FHOD3: variants seen among roughly 807,000 people sequenced by gnomAD.
The protein encoded by FHOD3 is FH1/FH2 domain-containing protein 3.
FHOD3 carries 90 observed loss-of-function variants against 173.0 expected under a neutral mutation model. The observed-to-expected ratio is 0.52, with a 90% CI of 0.44 to 0.62. The LOEUF (loss-of-function observed/expected upper bound fraction) is 0.62. Ranked by LOEUF, FHOD3 falls within the 20% of genes least tolerant of loss-of-function variation. The pLI, the probability that FHOD3 is intolerant of heterozygous loss-of-function variation, is 0.00. For synonymous variants in FHOD3, 828 were observed against 823.0 expected (o/e 1.01, Z -0.10); for missense variants, 1,945 against 2,034.7 (o/e 0.96, Z 0.85).
chr18:36,328,192 T>A (rs904209745), intron 1 of FHOD3, among the ~76,000 whole-genome samples: 1 of 152,028 alleles, frequency 6.6e-6, no homozygotes, highest in Admixed American at 6.6e-5. Flanking sequence ...GGGAGACAAG[T>A]GTTTGGCAGG....
At chr18:36,346,043 C>T (rs1257792272) in intron 1 of FHOD3, among the ~76,000 whole-genome samples, 1 of 152,190 alleles carries the variant, frequency 6.6e-6, no homozygotes, top group Non-Finnish European at 1.5e-5. Flanking sequence ...TTATTCACCA[C>T]CATTTTTAGA....
chr18:36,393,161 G>A (rs751137949), intron 3 of FHOD3, among the ~76,000 whole-genome samples: 11 of 152,228 alleles, frequency 7.2e-5, no homozygotes, highest in Admixed American at 3.9e-4. Flanking sequence ...CTTCTGGGAC[G>A]GCTGCAGGGC....
chr18:36,693,160 A>G (rs1166539297), intron 16 of FHOD3, 49 bp from the exon 17 acceptor site: 2 of 1,551,920 alleles, frequency 1.3e-6, no homozygotes, highest in Admixed American at 3.7e-5. Context: ...AGCATCAGCC[A>G]CAGGCTCCTC....
At chr18:36,602,884 T>C in intron 8 of FHOD3, 116 bp downstream of exon 8, 2 of 802,516 alleles carry the variant, frequency 2.5e-6, no homozygotes, top group South Asian at 3.1e-5. Flanking sequence ...GCAGATATAA[T>C]CTGGTTGTGA....
At chr18:36,441,987 A>G (rs2051180990) in intron 3 of FHOD3, among the ~76,000 whole-genome samples, 2 of 152,258 alleles carry the variant, frequency 1.3e-5, no homozygotes, top group Non-Finnish European at 2.9e-5. Flanking sequence ...AAGCTTTGGA[A>G]TAGAATAATA....
chr18:36,632,610 G>A (rs896390069), intron 10 of FHOD3, among the ~76,000 whole-genome samples: 1 of 152,002 alleles, frequency 6.6e-6, no homozygotes, highest in Non-Finnish European at 1.5e-5. Context: ...CGTGAGTCCC[G>A]TCCCGTGTGG....
At position 36,652,538 on chromosome 18, in the gene FHOD3, C is replaced by T. The variant is rs1214869275; in HGVS notation, c.1287-32C>T. 6.7e-6 allele frequency: 10 copies of T among 1,490,968 alleles called. No homozygotes were observed. In the Admixed American group the frequency reaches 6.8e-5, roughly 10 times the overall value. The allele number at this position is 1,490,968 out of a possible 1,614,324, so 92.4% of individuals were successfully genotyped here. ...CTCCTTCTCTCCCAAATCTTTTTTTCTTCTTCCTCCTCCTCCCTGCTGGCC... is the reference window on the plus strand; with the variant it reads ...CTCCTTCTCTCCCAAATCTTTTTTTTTTCTTCCTCCTCCTCCCTGCTGGCC... On this transcript the variant is annotated intron_variant, in intron 11 of 28. Coordinates refer to ENST00000590592, the MANE Select transcript of FHOD3 (RefSeq NM_001281740.3).
intron 5 of FHOD3, among the ~76,000 whole-genome samples, chr18:36,569,465 A>G (rs207476749): frequency 3.3e-5 from 5 of 152,290 alleles, no homozygotes; most frequent in African/African-American, 1.2e-4. Context: ...TGAAATAAGA[A>G]ATAGAAAAAA....
At chr18:36,455,958 A>G (rs2052182267) in intron 3 of FHOD3, among the ~76,000 whole-genome samples, 1 of 152,088 alleles carries the variant, frequency 6.6e-6, no homozygotes, top group South Asian at 2.1e-4. Flanking sequence ...GCCGCCCCCT[A>G]GTGCAGAAGG....
intron 7 of FHOD3, among the ~76,000 whole-genome samples, chr18:36,596,082 G>A (rs78117589): frequency 0.034 from 5,172 of 152,176 alleles, 194 homozygotes; most frequent in East Asian, 0.16. Flanking sequence ...AGGATGTGTC[G>A]GGAAGAAACG....
intron 9 of FHOD3, among the ~76,000 whole-genome samples, chr18:36,617,610 T>TGC (rs1555783667): frequency 2.7e-5 from 4 of 146,006 alleles, no homozygotes; most frequent in East Asian, 2.0e-4. Flanking sequence ...TGTGTGTGTG[T>TGC]GTGTGTGTGC....
intron 3 of FHOD3, among the ~76,000 whole-genome samples, chr18:36,375,274 T>G (rs1398432761): frequency 6.6e-6 from 1 of 152,214 alleles, no homozygotes; most frequent in East Asian, 1.9e-4. Context: ...ATCTGTTGTT[T>G]TAGTCTTTGT....
intron 5 of FHOD3, among the ~76,000 whole-genome samples, chr18:36,555,644 A>G (rs1355444696): frequency 2.0e-5 from 3 of 152,142 alleles, no homozygotes; most frequent in African/African-American, 4.8e-5. Flanking sequence ...GACGTTTCCA[A>G]CCATAACTGT....
chr18:36,386,335 T>C (rs930448205), intron 3 of FHOD3, among the ~76,000 whole-genome samples: 1 of 151,690 alleles, frequency 6.6e-6, no homozygotes, highest in African/African-American at 2.4e-5. Context: ...TTGGCAAGGG[T>C]GATGTGGGTG....
intron 17 of FHOD3, among the ~76,000 whole-genome samples, chr18:36,697,563 G>T (rs527708878): frequency 6.6e-6 from 1 of 152,162 alleles, no homozygotes; most frequent in African/African-American, 2.4e-5. Flanking sequence ...GGAAAAATAC[G>T]TTTGACAGTG....
chr18:36,422,829 C>G (rs1450832153), intron 3 of FHOD3, among the ~76,000 whole-genome samples: 1 of 152,198 alleles, frequency 6.6e-6, no homozygotes, highest in African/African-American at 2.4e-5. Flanking sequence ...CCATTTTTAT[C>G]AAACCTGTAG....
chr18:36,393,725 A>G lies in FHOD3; in HGVS notation c.337+20981A>G, dbSNP rs998945982. Among the ~76,000 whole-genome samples, 6 of 152,178 alleles carry G rather than the reference A, an allele frequency of 3.9e-5. No individual in the cohort carries two copies. The East Asian group carries it at 1.2e-3, about 29-fold the overall frequency. On this transcript the variant is annotated intron_variant, in intron 3 of 28. Transcript: ENST00000590592. ...ATACAAAGGGGAGTGAAATGAGCCT[A>G]ATTCTCTAAGCAGCTTAAGGAAATG...
intron 18 of FHOD3, among the ~76,000 whole-genome samples, chr18:36,714,212 A>C (rs1295832130): frequency 6.6e-6 from 1 of 152,198 alleles, no homozygotes; most frequent in Non-Finnish European, 1.5e-5. Context: ...ATTAATGAAG[A>C]GAATAAGCAA....
intron 10 of FHOD3, among the ~76,000 whole-genome samples, chr18:36,641,201 G>A (rs1485746360): frequency 6.6e-6 from 1 of 152,210 alleles, no homozygotes; most frequent in East Asian, 1.9e-4. Flanking sequence ...GAGAAACAGA[G>A]CAGGAAAAGT....
Sources: gnomAD v4.1 joint callset for allele counts (sites outside exome capture counted in the v4.1 genomes callset) on GRCh38, gnomAD v4.1.1 for gene constraint, MANE v1.5 for transcripts, NCBI Gene and HGNC (gene_info 2026-07-23, HGNC 2026-07-21) for gene names.